The following TIAM2 variants were observed in gnomAD, a reference collection of about 807,000 sequenced individuals.
The protein encoded by TIAM2 is rho guanine nucleotide exchange factor TIAM2.
A neutral mutation model predicts 152.9 loss-of-function variants in TIAM2; 80 were observed. The observed-to-expected ratio is 0.52, with a 90% CI of 0.44 to 0.63. TIAM2 has a LOEUF of 0.63. Ranked by LOEUF, TIAM2 falls within the 30% of genes least tolerant of loss-of-function variation. The probability of loss-of-function intolerance (pLI) is 0.00; values close to 1 mark genes in which losing one functional copy is unlikely to be tolerated. For synonymous variants in TIAM2, 804 were observed against 838.0 expected, an observed-to-expected ratio of 0.96 and a Z score of 0.70; for missense variants, 1,965 against 2,120.1, an observed-to-expected ratio of 0.93 and a Z score of 1.44.
chr6:155,233,710 T>C (rs1275404108), intron 15 of TIAM2, among the ~76,000 whole-genome samples: 1 of 152,168 alleles, frequency 6.6e-6, no homozygotes, highest in African/African-American at 2.4e-5. Context: ...GGCTCACGCC[T>C]ATAATCCCAG....
At chr6:155,018,890 A>G (rs781441867) in intron 1 of TIAM2, among the ~76,000 whole-genome samples, 5 of 147,680 alleles carry the variant, frequency 3.4e-5, no homozygotes, top group East Asian at 2.0e-4. Flanking sequence ...AATACAAAAA[A>G]TTAGCTGGGT....
chr6:155,149,466 A>G (rs958036110), intron 7 of TIAM2, among the ~76,000 whole-genome samples: 6 of 152,188 alleles, frequency 3.9e-5, no homozygotes, highest in African/African-American at 1.4e-4. Flanking sequence ...TTTCTTTAGG[A>G]AAAAAAATTT....
intron 2 of TIAM2, among the ~76,000 whole-genome samples, chr6:155,112,279 C>T (rs1354042024): frequency 6.6e-6 from 1 of 152,042 alleles, no homozygotes; most frequent in African/African-American, 2.4e-5. Context: ...GCATGCGCCA[C>T]CAAGCCCGGC....
intron 1 of TIAM2, among the ~76,000 whole-genome samples, chr6:155,049,324 G>A (rs1195445784): frequency 2.0e-5 from 3 of 152,122 alleles, no homozygotes; most frequent in Non-Finnish European, 2.9e-5. Context: ...CCTCCGTGGT[G>A]GTCAGGAGGG....
intron 15 of TIAM2, among the ~76,000 whole-genome samples, chr6:155,228,810 C>T (rs1038444287): frequency 2.6e-5 from 4 of 152,156 alleles, no homozygotes; most frequent in Non-Finnish European, 5.9e-5. Flanking sequence ...CCTCCTGTTC[C>T]CACCGCTCTG....
Position 155,116,818 on chromosome 6 carries a change from C to T in TIAM2, c.-117-10672C>T, listed in dbSNP as rs191053162. On this transcript the variant is annotated intron_variant, in intron 2 of 26. Transcript: ENST00000682666. ...GGCTCAAGCTCAGAAAGGTTAAAAA[C>T]GGAGGTTATTTAAAAGTCACACTCA... is the stretch of plus-strand genomic sequence containing the variant. Among the ~76,000 whole-genome samples, 503 of 152,192 alleles carry T rather than the reference C, an allele frequency of 3.3e-3. 4 individuals carry two copies. The highest frequency in any genetic ancestry group is 6.8e-3 in the Middle Eastern group (2 of 294).
intron 1 of TIAM2, among the ~76,000 whole-genome samples, chr6:155,075,527 G>T (rs957851318): frequency 6.6e-6 from 1 of 152,192 alleles, no homozygotes; most frequent in Non-Finnish European, 1.5e-5. Flanking sequence ...AAAAGAATTA[G>T]TGTGTAATAA....
chr6:155,211,536 T>C (rs1012926315), intron 15 of TIAM2, among the ~76,000 whole-genome samples: 7 of 152,206 alleles, frequency 4.6e-5, no homozygotes, highest in African/African-American at 1.7e-4. Context: ...CCATGACTTC[T>C]GGTATGCCAT....
At chr6:155,225,302 T>A (rs986413078) in intron 15 of TIAM2, among the ~76,000 whole-genome samples, 2 of 152,160 alleles carry the variant, frequency 1.3e-5, no homozygotes, top group African/African-American at 4.8e-5. Context: ...CAGGCATAGA[T>A]AAAGGGCAGT....
chr6:155,131,614 C>T lies in TIAM2; in HGVS notation c.1194+1197C>T, dbSNP rs927970957. On this transcript the variant is annotated intron_variant, in intron 4 of 26. Transcript: ENST00000682666. ...CTTTTTTTTGAGACAGAGTATCGCT[C>T]CGTTGTACAGGCTGGAGTACAGTGG... Among the ~76,000 whole-genome samples the T allele has an allele frequency of 1.7e-4, 25 of 150,200 alleles. No individual in the cohort carries two copies. In the South Asian group the frequency reaches 5.3e-3, roughly 32 times the overall value.
intron 1 of TIAM2, among the ~76,000 whole-genome samples, chr6:155,003,183 G>C (rs551589112): frequency 6.6e-6 from 1 of 152,258 alleles, no homozygotes; most frequent in Admixed American, 6.5e-5. Context: ...CAATAACAAA[G>C]TGCTGAAAGT....
chr6:155,093,386 G>A (rs1778344969), intron 2 of TIAM2, among the ~76,000 whole-genome samples: 2 of 152,192 alleles, frequency 1.3e-5, no homozygotes, highest in Admixed American at 1.3e-4. Context: ...TTGCCATTGG[G>A]GAAGGTGTGG....
intron 1 of TIAM2, among the ~76,000 whole-genome samples, chr6:155,018,034 A>G (rs1229990772): frequency 2.0e-5 from 3 of 152,144 alleles, no homozygotes; most frequent in African/African-American, 7.2e-5. Flanking sequence ...CGATTTTTAT[A>G]TTGTTTACAT....
chr6:155,104,203 G>C (rs904757334), intron 2 of TIAM2, among the ~76,000 whole-genome samples: 1 of 151,960 alleles, frequency 6.6e-6, no homozygotes, highest in Non-Finnish European at 1.5e-5. Context: ...CCTGTTGCTG[G>C]CCAGCTCTGT....
intron 14 of TIAM2, among the ~76,000 whole-genome samples, chr6:155,185,518 ATTTATT>A (rs1211095913): frequency 1.3e-5 from 2 of 149,420 alleles, no homozygotes; most frequent in African/African-American, 5.0e-5. Flanking sequence ...TTATTTATTT[ATTTATT>A]TATTTATTTA....
chr6:155,039,456 A>ATGGTGGGGAGG (rs1562297838), intron 1 of TIAM2, among the ~76,000 whole-genome samples: 1 of 151,948 alleles, frequency 6.6e-6, no homozygotes, highest in African/African-American at 2.4e-5. Flanking sequence ...GCTGATGGCC[A>ATGGTGGGGAGG]TGGTGGGGAG....
At position 155,130,314 on chromosome 6, in the gene TIAM2, A is replaced by C. The variant is rs752556855; in HGVS notation, c.1091A>C (p.Lys364Thr). Residue 364 changes from lysine (K) to threonine (T), a missense_variant, in exon 4 of 27, where the codon AAA becomes ACA. Physicochemically the swap from Lys to Thr is moderately conservative, Grantham distance 78. Coordinates refer to ENST00000682666, the MANE Select transcript of TIAM2 (RefSeq NM_012454.4). ...TTCACTCTCCCCTGTCGGAAGCCCA[A>C]AGCCTTTGTTGAGGATACTGCGAAG... ...SSFTLPCRKP[K>T]AFVEDTAKKD... is the part of the protein sequence containing the mutation. 1.2e-5 allele frequency: 19 copies of C among 1,614,002 alleles called. No homozygotes were observed. The South Asian group carries it at 1.8e-4, about 15-fold the overall frequency.
chr6:155,065,408 T>G (rs568384278), intron 1 of TIAM2, among the ~76,000 whole-genome samples: 23 of 152,312 alleles, frequency 1.5e-4, no homozygotes, highest in African/African-American at 5.1e-4. Flanking sequence ...CTGTTTTTCT[T>G]AATACAAAAG....
chr6:155,134,362 A>C (rs1779510866), intron 4 of TIAM2, among the ~76,000 whole-genome samples: 1 of 152,010 alleles, frequency 6.6e-6, no homozygotes, highest in Admixed American at 6.6e-5. Flanking sequence ...ACCTATGTAT[A>C]AGAATAAGTT....
Sources: allele counts gnomAD v4.1 joint callset (sites outside exome capture counted in the v4.1 genomes callset), GRCh38; gene constraint gnomAD v4.1.1; transcripts MANE v1.5; gene names NCBI Gene and HGNC (gene_info 2026-07-23, HGNC 2026-07-21).